The following PXMP4 variants were observed in gnomAD, a reference collection of about 807,000 sequenced individuals.
The protein encoded by PXMP4 is 24 kDa peroxisomal intrinsic membrane protein.
Under a neutral mutation model 21.6 loss-of-function variants are expected in PXMP4, and 16 were observed. That is an observed-to-expected ratio of 0.74 (90% confidence interval 0.50 to 1.13). The LOEUF (loss-of-function observed/expected upper bound fraction) is 1.13, where lower values mean the gene tolerates loss of function less well. Ranked by LOEUF, PXMP4 falls within the 50% of genes most tolerant of loss-of-function variation. The pLI, the probability that PXMP4 is intolerant of heterozygous loss-of-function variation, is 0.00. For missense variants in PXMP4, 240 were observed against 277.7 expected, an observed-to-expected ratio of 0.86 and a Z score of 0.96; for synonymous variants, 127 against 123.8, an observed-to-expected ratio of 1.03 and a Z score of -0.17.
Position 33,714,694 on chromosome 20 carries a change from G to A in PXMP4, c.156C>T (p.Thr52=). Residue 52 remains threonine, a synonymous_variant, in exon 2 of 4, where the codon ACC becomes ACT. Coordinates refer to ENST00000409299, the MANE Select transcript of PXMP4 (RefSeq NM_007238.5). ...KIRAPHALVM[T]FLFRNGSLQE... is the part of the protein sequence containing the mutation. The stretch of plus-strand genomic sequence containing the variant: ...TGTACCTGCCATTCCGGAAGAGAAA[G>A]GTCATGACCAGCGCGTGAGGGGCCC... The A allele has an allele frequency of 6.2e-7, 1 of 1,614,092 alleles. No individual in the cohort carries two copies. Among genetic ancestry groups the A allele is most frequent in the Non-Finnish European group, 8.5e-7 (1 of 1,179,982 alleles).
rs758549221 is a variant in PXMP4, at chr20:33,720,098, G to C, written c.110C>G (p.Ala37Gly). 9 of 1,613,516 alleles carry C rather than the reference G, an allele frequency of 5.6e-6. No homozygotes were observed. The South Asian group carries it at 9.9e-5, about 18-fold the overall frequency. ...CCGGCCCGACGGCCCCACTCACACA[G>C]CCCCGTTCCGGAAGCCCTTAAGCAC... Reference protein sequence around the residue: ...LAVLKGFRNGAVYGAKIRAPH... With the variant: ...LAVLKGFRNGGVYGAKIRAPH... Residue 37 changes from alanine (A) to glycine (G), a missense_variant, in exon 1 of 4, where the codon GCT becomes GGT. Physicochemically the swap from Ala to Gly is moderately conservative, Grantham distance 60 (BLOSUM62 0). Transcript: ENST00000409299.
chr20:33,706,552 AT>A lies in PXMP4; in HGVS notation c.*1153del, dbSNP rs2018258805. 1 of 152,180 alleles carries A rather than the reference AT, an allele frequency of 6.6e-6. No homozygotes were observed. The highest frequency in any genetic ancestry group is 2.4e-5 in the African/African-American group (1 of 41,442). The allele number at this position is 152,180 out of a possible 1,614,324, so 9.4% of individuals were successfully genotyped here. A position where few individuals can be genotyped will look rare whatever the true frequency, so the allele number is the denominator to read the frequency against. On this transcript the variant is annotated 3_prime_UTR_variant, in exon 4 of 4. Coordinates refer to ENST00000409299, the MANE Select transcript of PXMP4 (RefSeq NM_007238.5). ...CAAGTCCAGTGAGGACCACGGCATT[AT>A]GATTATCCTCATTTTATGATAAATT...
chr20:33,709,522 C>T (rs1304340854), intron 3 of PXMP4, among the ~76,000 whole-genome samples: 1 of 152,024 alleles, frequency 6.6e-6, no homozygotes, highest in African/African-American at 2.4e-5. Flanking sequence ...CCCCAGAGAG[C>T]AGCACATGCA....
At chr20:33,711,371 G>A (rs1568920768) in intron 2 of PXMP4, among the ~76,000 whole-genome samples, 1 of 152,146 alleles carries the variant, frequency 6.6e-6, no homozygotes, top group Non-Finnish European at 1.5e-5. Context: ...CACATCCCAG[G>A]CAGAGGGCTC....
At chr20:33,715,850 T>C (rs1194016646) in intron 1 of PXMP4, among the ~76,000 whole-genome samples, 2 of 151,232 alleles carry the variant, frequency 1.3e-5, no homozygotes, top group African/African-American at 4.9e-5. Flanking sequence ...TCTTTTTTTT[T>C]TTTTTTTTTT....
rs1258235997 is a variant in PXMP4 at position 33,720,152 on chromosome 20, C to A, written c.56G>T (p.Arg19Leu). Residue 19 changes from arginine (R) to leucine (L), a missense_variant, in exon 1 of 4, where the codon CGC (arginine) becomes CTC (leucine). Transcript: ENST00000409299. ...ALLVVVNALL[R>L]KRRYHAALAV... ...CAACGCAGCGTGGTAGCGGCGCTTG[C>A]GCAGCAGTGCGTTGACGACTACGAG... 6.2e-7 allele frequency: 1 copy of A among 1,613,542 alleles called. No homozygotes were observed. Among genetic ancestry groups the A allele is most frequent in the South Asian group, 1.1e-5 (1 of 91,078 alleles).
intron 3 of PXMP4, among the ~76,000 whole-genome samples, chr20:33,709,237 C>CA (rs1750890145): frequency 6.6e-6 from 1 of 152,100 alleles, no homozygotes; most frequent in Non-Finnish European, 1.5e-5. Context: ...GAGGTTGTTG[C>CA]AATGAGCCTA....
intron 1 of PXMP4, among the ~76,000 whole-genome samples, chr20:33,718,714 G>A (rs996931966): frequency 1.3e-5 from 2 of 151,976 alleles, no homozygotes; most frequent in African/African-American, 4.8e-5. Context: ...ACCAAGTGCT[G>A]TGGCCACGAG....
At chr20:33,711,686 T>C (rs1343179098) in intron 2 of PXMP4, among the ~76,000 whole-genome samples, 1 of 151,530 alleles carries the variant, frequency 6.6e-6, no homozygotes, top group Non-Finnish European at 1.5e-5. Context: ...GACTCTACCT[T>C]AAAAAAAGAA....
intron 1 of PXMP4, among the ~76,000 whole-genome samples, chr20:33,715,073 T>G (rs1013159923): frequency 6.6e-6 from 1 of 152,130 alleles, no homozygotes; most frequent in African/African-American, 2.4e-5. Context: ...CCAGCGATCC[T>G]CCAGCCTCAC....
At chr20:33,720,031 C>A (rs565143097) in intron 1 of PXMP4, 64 bp downstream of exon 1, 48 of 1,509,012 alleles carry the variant, frequency 3.2e-5, no homozygotes, top group Admixed American at 5.1e-5. Flanking sequence ...GGACTTCGAA[C>A]TCGCGCCTCT....
chr20:33,719,605 G>A (rs534673761), intron 1 of PXMP4, among the ~76,000 whole-genome samples: 1 of 152,212 alleles, frequency 6.6e-6, no homozygotes, highest in African/African-American at 2.4e-5. Flanking sequence ...CGTCCCAGGA[G>A]CCCCCTGAGC....
chr20:33,707,658 C>G lies in PXMP4; in HGVS notation c.*48G>C. The G allele has an allele frequency of 1.9e-6, 3 of 1,594,884 alleles. No homozygotes were observed. The highest frequency in any genetic ancestry group is 2.6e-6 in the Non-Finnish European group (3 of 1,167,720). On this transcript the variant is annotated 3_prime_UTR_variant, in exon 4 of 4. Transcript: ENST00000409299. Reference sequence around the variant, plus strand: ...AGAAGGCAGTATCCTTTGGGAGGGTCTGCATGGGGCCAAATCTTGAGCCAC... The same window carrying G: ...AGAAGGCAGTATCCTTTGGGAGGGTGTGCATGGGGCCAAATCTTGAGCCAC...
chr20:33,710,895 T>G, intron 2 of PXMP4, 142 bp from the exon 3 acceptor site: 3 of 805,238 alleles, frequency 3.7e-6, no homozygotes, highest in Non-Finnish European at 5.7e-6. Flanking sequence ...TCATGTTCTC[T>G]CCCTTGATTC....
At position 33,720,135 on chromosome 20, in the gene PXMP4, C is replaced by T. The variant is rs1177554971; in HGVS notation, c.73G>A (p.Ala25Thr). The stretch of plus-strand genomic sequence containing the variant: ...AAGCCCTTAAGCACGGCCAACGCAG[C>T]GTGGTAGCGGCGCTTGCGCAGCAGT... Reference protein sequence around the residue: ...NALLRKRRYHAALAVLKGFRN... With the variant: ...NALLRKRRYHTALAVLKGFRN... The change falls in exon 1 of 4, where the codon GCT becomes ACT. Residue 25 changes from alanine to threonine, a missense_variant. Ala to Thr is a moderately conservative substitution (Grantham distance 58). Coordinates refer to ENST00000409299, the MANE Select transcript of PXMP4 (RefSeq NM_007238.5). 6.2e-7 allele frequency: 1 copy of T among 1,613,570 alleles called. No homozygotes were observed. Among genetic ancestry groups the T allele is most frequent in the African/African-American group, 1.3e-5 (1 of 74,950 alleles).
At chr20:33,716,138 CT>C (rs2122591643) in intron 1 of PXMP4, among the ~76,000 whole-genome samples, 1 of 152,334 alleles carries the variant, frequency 6.6e-6, no homozygotes, top group Non-Finnish European at 1.5e-5. Context: ...GCCATCCTGC[CT>C]GTCCTAGCCA....
chr20:33,708,077 G>A (rs2018282624), intron 3 of PXMP4, 108 bp from the exon 4 acceptor site: 3 of 1,280,550 alleles, frequency 2.3e-6, no homozygotes, highest in Non-Finnish European at 3.2e-6. Context: ...AGAGAGCCTG[G>A]CTAGGGGTTT....
intron 3 of PXMP4, among the ~76,000 whole-genome samples, chr20:33,708,888 G>T (rs1034207946): frequency 6.6e-6 from 1 of 152,024 alleles, no homozygotes; most frequent in African/African-American, 2.4e-5. Context: ...GGGATTACCG[G>T]CATGAGCCAC....
At position 33,704,847 on chromosome 20, in the gene PXMP4, A is replaced by G. The variant is rs1472779264; in HGVS notation, c.*2859T>C. ...AAGGTCTCCAGTGACTCCTGCATAC[A>G]TTTCTACTAGTAACTTCTAAAATAT... On this transcript the variant is annotated 3_prime_UTR_variant, in exon 4 of 4. Transcript: ENST00000409299. 1 of 152,166 alleles carries G rather than the reference A, an allele frequency of 6.6e-6. No homozygotes were observed. Among genetic ancestry groups the G allele is most frequent in the Non-Finnish European group, 1.5e-5 (1 of 68,040 alleles). The allele number at this position is 152,166 out of a possible 1,614,324, so 9.4% of individuals were successfully genotyped here.
Sources: allele counts gnomAD v4.1 joint callset (sites outside exome capture counted in the v4.1 genomes callset), GRCh38; gene constraint gnomAD v4.1.1; transcripts MANE v1.5; gene names NCBI Gene and HGNC (gene_info 2026-07-23, HGNC 2026-07-21).